The following AP1B1 variants were observed in gnomAD, a reference collection of about 807,000 sequenced individuals.
The protein encoded by AP1B1 is AP-1 complex subunit beta-1.
In AP1B1, 36 loss-of-function variants were observed where a neutral mutation model predicts 104.3. The ratio of observed to expected loss-of-function variants is 0.35; its 90% confidence interval spans 0.26 to 0.46. The LOEUF (loss-of-function observed/expected upper bound fraction) is 0.46, where lower values mean the gene tolerates loss of function less well. Ranked by LOEUF, AP1B1 falls within the 20% of genes least tolerant of loss-of-function variation. AP1B1 has a pLI of 1.00. For missense variants in AP1B1, 901 were observed against 1,247.9 expected, an observed-to-expected ratio of 0.72 and a Z score of 4.19; for synonymous variants, 504 against 517.5, an observed-to-expected ratio of 0.97 and a Z score of 0.35.
intron 11 of AP1B1, among the ~76,000 whole-genome samples, chr22:29,346,125 T>C (rs1249124042): frequency 6.6e-6 from 1 of 152,028 alleles, no homozygotes; most frequent in East Asian, 1.9e-4. Context: ...GACAAGGAAA[T>C]GGGTTTGGTG....
intron 1 of AP1B1, among the ~76,000 whole-genome samples, chr22:29,376,925 G>C (rs1302844280): frequency 6.6e-6 from 1 of 152,158 alleles, no homozygotes; most frequent in African/African-American, 2.4e-5. Flanking sequence ...GGCCGGGCAT[G>C]CTGGCTCATG....
chr22:29,378,486 G>A (rs2062381577), intron 1 of AP1B1, among the ~76,000 whole-genome samples: 1 of 145,622 alleles, frequency 6.9e-6, no homozygotes, highest in African/African-American at 2.6e-5. Context: ...CTGGGAGGTT[G>A]ACGCTGCAGT....
chr22:29,351,520 C>T, intron 8 of AP1B1, 185 bp downstream of exon 8: 4 of 898,266 alleles, frequency 4.5e-6, no homozygotes, highest in Non-Finnish European at 5.1e-6. Context: ...CATGGAGAAA[C>T]ATTCTTTAGT....
chr22:29,337,472 G>C (rs1390014671), intron 16 of AP1B1, among the ~76,000 whole-genome samples: 1 of 152,192 alleles, frequency 6.6e-6, no homozygotes, highest in Non-Finnish European at 1.5e-5. Context: ...AGCCAGCTCA[G>C]GGGGTGGGGA....
At chr22:29,339,961 AC>A (rs1205004460) in intron 14 of AP1B1, among the ~76,000 whole-genome samples, 187 bp from the exon 15 acceptor site, 1 of 151,680 alleles carries the variant, frequency 6.6e-6, no homozygotes, top group Non-Finnish European at 1.5e-5. Flanking sequence ...GAAAGGCACT[AC>A]CCCACACCTT....
chr22:29,363,202 A>G (rs2062077972), intron 2 of AP1B1, 96 bp from the exon 3 acceptor site: 1 of 695,606 alleles, frequency 1.4e-6, no homozygotes, highest in African/African-American at 1.7e-5. Flanking sequence ...GGAGGCACGT[A>G]AGACATCCTA....
At chr22:29,329,559 T>G in intron 22 of AP1B1, 153 bp downstream of exon 22, 1 of 1,497,448 alleles carries the variant, frequency 6.7e-7, no homozygotes, top group Non-Finnish European at 8.9e-7. Flanking sequence ...AAGTGGGGTG[T>G]CAGCACCTCA....
intron 3 of AP1B1, among the ~76,000 whole-genome samples, chr22:29,360,344 AG>A (rs1292395157): frequency 1.3e-5 from 2 of 152,188 alleles, no homozygotes; most frequent in Non-Finnish European, 2.9e-5. Flanking sequence ...CTCACTTCAC[AG>A]GGCCTTTATG....
intron 2 of AP1B1, among the ~76,000 whole-genome samples, chr22:29,365,585 C>G (rs140637165): frequency 7.8e-4 from 119 of 152,266 alleles, no homozygotes; most frequent in Non-Finnish European, 1.3e-3. Context: ...AAGACTGATC[C>G]CTGCGTACCT....
chr22:29,340,955 T>C lies in AP1B1; in HGVS notation c.1797-98A>G, dbSNP rs1056283988. 26 of 1,243,714 alleles carry C rather than the reference T, an allele frequency of 2.1e-5. No individual in the cohort carries two copies. The African/African-American group carries it at 2.3e-4, about 11-fold the overall frequency. The allele number at this position is 1,243,714 out of a possible 1,614,324, so 77.0% of individuals were successfully genotyped here. On this transcript the variant is annotated intron_variant, in intron 13 of 22. Coordinates refer to ENST00000357586, the MANE Select transcript of AP1B1 (RefSeq NM_001127.4). ...CAGAGCTGTCCCCCAGGACAGGCAC[T>C]GAGTCTCCTCACTGTCCCCGACAGG...
chr22:29,361,013 G>A (rs2062036896), intron 3 of AP1B1, among the ~76,000 whole-genome samples: 1 of 152,196 alleles, frequency 6.6e-6, no homozygotes, highest in Non-Finnish European at 1.5e-5. Context: ...GAGGGAGGAG[G>A]AAAAACTGCT....
chr22:29,359,006 G>A, intron 4 of AP1B1, 35 bp from the exon 5 acceptor site: 2 of 1,571,488 alleles, frequency 1.3e-6, no homozygotes, highest in South Asian at 1.1e-5. Flanking sequence ...GGGCAGGGGT[G>A]GGATGAGCCA....
intron 2 of AP1B1, among the ~76,000 whole-genome samples, chr22:29,363,464 A>G (rs2062082720): frequency 6.6e-6 from 1 of 152,224 alleles, no homozygotes; most frequent in Non-Finnish European, 1.5e-5. Context: ...CCTGGCCAAC[A>G]TAGTGAAACC....
At chr22:29,334,215 C>T (rs765728665) in intron 17 of AP1B1, 50 bp downstream of exon 17, 2 of 1,471,562 alleles carry the variant, frequency 1.4e-6, no homozygotes, top group South Asian at 2.6e-5. Flanking sequence ...CGAGTGGGTT[C>T]TCTCACAGGC....
intron 21 of AP1B1, 68 bp from the exon 22 acceptor site, chr22:29,329,788 C>G: frequency 6.2e-7 from 1 of 1,604,538 alleles, no homozygotes; most frequent in Non-Finnish European, 8.5e-7. Flanking sequence ...GAAGTTACCA[C>G]CACCGAAGCC....
chr22:29,361,934 C>T (rs542770121), intron 3 of AP1B1, among the ~76,000 whole-genome samples: 1 of 152,226 alleles, frequency 6.6e-6, no homozygotes, highest in East Asian at 1.9e-4. Flanking sequence ...GCTGGGATTA[C>T]AGGTGCCCAC....
Position 29,340,851 on chromosome 22 carries a change from C to G in AP1B1, c.1803G>C (p.Glu601Asp). ...GGGCTGTCTCAGGGCTCTCTGCGCT[C>G]TCACTCCTGCCGGGACACAGAAGTA... Reference protein sequence around the residue: ...KSLPPRTASSESAESPETAPT... With the variant: ...KSLPPRTASSDSAESPETAPT... The change falls in exon 14 of 23, where the codon GAG (glutamate) becomes GAC (aspartate). Residue 601 changes from glutamate (E) to aspartate (D), a missense_variant. Transcript: ENST00000357586. 1 of 1,592,242 alleles carries G rather than the reference C, an allele frequency of 6.3e-7. No homozygotes were observed. The highest frequency in any genetic ancestry group is 8.5e-7 in the Non-Finnish European group (1 of 1,171,500).
Position 29,331,940 on chromosome 22 carries a change from G to A in AP1B1, c.2310-24C>T, listed in dbSNP as rs746601818. On this transcript the variant is annotated intron_variant, in intron 17 of 22. Coordinates refer to ENST00000357586, the MANE Select transcript of AP1B1 (RefSeq NM_001127.4). Reference sequence around the variant, plus strand: ...AGCTGGGGAGAGAGAAGCCCCACAGGGATGGCAGGGGGAGTAGGTGCTGAT... The same window carrying A: ...AGCTGGGGAGAGAGAAGCCCCACAGAGATGGCAGGGGGAGTAGGTGCTGAT... 3 of 1,593,804 alleles carry A rather than the reference G, an allele frequency of 1.9e-6. No individual in the cohort carries two copies. In the South Asian group the frequency reaches 3.3e-5, roughly 18 times the overall value.
chr22:29,356,729 C>T (rs1293481003), intron 5 of AP1B1, 113 bp from the exon 6 acceptor site: 4 of 1,041,432 alleles, frequency 3.8e-6, no homozygotes, highest in Non-Finnish European at 5.6e-6. Flanking sequence ...GGAATATGAC[C>T]CAATGGGCAG....
Sources: allele counts gnomAD v4.1 joint callset (sites outside exome capture counted in the v4.1 genomes callset), GRCh38; gene constraint gnomAD v4.1.1; transcripts MANE v1.5; gene names NCBI Gene and HGNC (gene_info 2026-07-23, HGNC 2026-07-21).